The following ALAS1 variants were observed in gnomAD, a reference collection of about 807,000 sequenced individuals.
The protein encoded by ALAS1 is 5'-aminolevulinate synthase 1.
Under a neutral mutation model 59.6 loss-of-function variants are expected in ALAS1, and 29 were observed. That is an observed-to-expected ratio of 0.49 (90% CI 0.36 to 0.66). The LOEUF (loss-of-function observed/expected upper bound fraction) is 0.66. ALAS1 is among the 30% of genes least tolerant of loss of function. The pLI is 0.00. For synonymous variants in ALAS1, 299 were observed against 296.6 expected (o/e 1.01, Z -0.08); for missense variants, 690 against 807.5 (o/e 0.85, Z 1.76).
chr3:52,202,741 G>C lies in ALAS1; in HGVS notation c.427+7G>C. On this transcript the variant is annotated splice_region_variant and intron_variant, in intron 4 of 11. Transcript: ENST00000484952. ...ATGAATGCCGTGAGGAAAGGTAAGA[G>C]ATGAGTTGTGAACCATTAGTGGTAG... 1.9e-6 allele frequency: 3 copies of C among 1,612,954 alleles called. No individual in the cohort carries two copies. The highest frequency in any genetic ancestry group is 2.5e-6 in the Non-Finnish European group (3 of 1,179,322).
intron 3 of ALAS1, among the ~76,000 whole-genome samples, chr3:52,199,978 C>T (rs774353381): frequency 1.3e-5 from 2 of 152,148 alleles, no homozygotes; most frequent in Non-Finnish European, 2.9e-5. Flanking sequence ...TGCACCACCA[C>T]GCCCAGATAA....
chr3:52,199,261 G>A lies in ALAS1; in HGVS notation c.20G>A (p.Arg7His), dbSNP rs769075509. MESVVR[R>H]CPFLSRVPQA... is the part of the protein sequence containing the mutation. ...CTGAACATGGAGAGTGTTGTTCGCC[G>A]CTGCCCATTCTTATCCCGAGTCCCC... The change falls in exon 3 of 12, where the codon CGC (arginine) becomes CAC (histidine). Residue 7 changes from arginine to histidine, a missense_variant. Transcript: ENST00000484952. The A allele has an allele frequency of 1.1e-5, 18 of 1,614,026 alleles. No individual in the cohort carries two copies. The highest frequency in any genetic ancestry group is 2.2e-5 in the South Asian group (2 of 91,088).
chr3:52,208,225 G>A lies in ALAS1; in HGVS notation c.1308G>A (p.Met436Ile), dbSNP rs763546498. The change falls in exon 9 of 12, where the codon ATG becomes ATA. Residue 436 changes from methionine to isoleucine, a missense_variant. By Grantham distance (10) the Met-to-Ile change is conservative. Coordinates refer to ENST00000484952, the MANE Select transcript of ALAS1 (RefSeq NM_000688.6). ...ATCGGGATGGAGTCATGCCAAAAAT[G>A]GACATCATTTCTGGAACACTTGGTA... The part of the protein sequence containing the change: ...IGDRDGVMPK[M>I]DIISGTLGKA... 1 of 1,614,152 alleles carries A rather than the reference G, an allele frequency of 6.2e-7. No homozygotes were observed. Among genetic ancestry groups the A allele is most frequent in the East Asian group, 2.2e-5 (1 of 44,886 alleles).
intron 9 of ALAS1, 141 bp from the exon 10 acceptor site, chr3:52,211,142 C>T (rs1699396292): frequency 4.8e-6 from 4 of 836,886 alleles, no homozygotes; most frequent in Admixed American, 5.5e-5. Context: ...TAATGTGGTG[C>T]ATGACTACTC....
rs1180250285 is a variant in ALAS1, at chr3:52,203,958, C to T, written c.523C>T (p.Gln175Ter). 6.2e-7 allele frequency: 1 copy of T among 1,613,030 alleles called. No individual in the cohort carries two copies. Among genetic ancestry groups the T allele is most frequent in the African/African-American group, 1.3e-5 (1 of 75,002 alleles). The stretch of plus-strand genomic sequence containing the variant: ...GCTGAAGAACTTCCAGGACATCATG[C>T]AAAAGCAAAGACCAGAAAGAGTGTC... ...GLLKNFQDIM[Q>*]KQRPERVSHL... The change falls in exon 5 of 12, where the codon CAA becomes TAA. Residue 175 changes from glutamine (Q) to a stop codon, truncating the protein, a stop_gained. Transcript: ENST00000484952. LOFTEE classifies it high-confidence loss of function.
Position 52,203,864 on chromosome 3 carries a change from G to A in ALAS1, c.429G>A (p.Glu143=), listed in dbSNP as rs374184871. 26 of 1,577,510 alleles carry A rather than the reference G, an allele frequency of 1.6e-5. No individual in the cohort carries two copies. In the African/African-American group the frequency reaches 3.3e-4, roughly 20 times the overall value. ...TGTTTCTTGTTACTTTTGTTCCAGAGGTTGCTGAAACCTCAGCAGGCCCCA... is the reference window on the plus strand; with the variant it reads ...TGTTTCTTGTTACTTTTGTTCCAGAAGTTGCTGAAACCTCAGCAGGCCCCA... ...DVQEMNAVRK[E]VAETSAGPSV... Residue 143 remains glutamate (E), a splice_region_variant and synonymous_variant, in exon 5 of 12, where the codon GAG becomes GAA. Transcript: ENST00000484952.
chr3:52,208,636 G>A (rs750996215), intron 9 of ALAS1, among the ~76,000 whole-genome samples: 6 of 152,308 alleles, frequency 3.9e-5, no homozygotes, highest in East Asian at 1.9e-4. Flanking sequence ...GCTGAACTCC[G>A]TGCCTGCCAC....
Position 52,205,890 on chromosome 3 carries a change from T to A in ALAS1, c.852T>A (p.Ser284=), listed in dbSNP as rs111251324. The A allele has an allele frequency of 1.9e-6, 3 of 1,614,072 alleles. No homozygotes were observed. In the African/African-American group the frequency reaches 4.0e-5, roughly 22 times the overall value. Residue 284 remains serine (S), a synonymous_variant, in exon 7 of 12, where the codon TCT becomes TCA. Transcript: ENST00000484952. ...GAGAGGTRNI[S]GTSKFHVDLE... Reference sequence around the variant, plus strand: ...GGGCAGGTGGTACTAGAAATATTTCTGGAACTAGTAAATTCCATGTGGACT... The same window carrying A: ...GGGCAGGTGGTACTAGAAATATTTCAGGAACTAGTAAATTCCATGTGGACT...
chr3:52,204,340 G>A lies in ALAS1; in HGVS notation c.577+328G>A, dbSNP rs141245704. On this transcript the variant is annotated intron_variant, in intron 5 of 11. Transcript: ENST00000484952. ...TCAAGGTTCAGTGAGCTATGATCAC[G>A]CTATTGCACTCCAGCCTGAATGACA... Among the ~76,000 whole-genome samples, 576 of 152,316 alleles carry A rather than the reference G, an allele frequency of 3.8e-3. 4 individuals are homozygous for A. The highest frequency in any genetic ancestry group is 0.026 in the South Asian group (127 of 4,826).
intron 2 of ALAS1, 89 bp downstream of exon 2, chr3:52,198,937 C>T (rs1358306403): frequency 4.9e-6 from 7 of 1,417,976 alleles, no homozygotes; most frequent in East Asian, 5.0e-5. Flanking sequence ...CTCATCCTTC[C>T]GCCCCCTTGA....
chr3:52,203,816 C>T, intron 4 of ALAS1, 47 bp from the exon 5 acceptor site: 1 of 1,534,262 alleles, frequency 6.5e-7, no homozygotes, highest in Non-Finnish European at 8.8e-7. Context: ...ATTGTGAACT[C>T]AGAATAGAAA....
intron 3 of ALAS1, 98 bp downstream of exon 3, chr3:52,199,538 C>T: frequency 8.7e-7 from 1 of 1,153,198 alleles, no homozygotes; most frequent in Non-Finnish European, 1.2e-6. Context: ...CACACTCACT[C>T]ACAGAGGGCT....
At position 52,211,523 on chromosome 3, in the gene ALAS1, A is replaced by G. The variant is rs780513566; in HGVS notation, c.1571A>G (p.His524Arg). 6.8e-6 allele frequency: 11 copies of G among 1,614,044 alleles called. No homozygotes were observed. Among genetic ancestry groups the G allele is most frequent in the East Asian group, 2.2e-5 (1 of 44,896 alleles). Residue 524 changes from histidine to arginine, a missense_variant, in exon 10 of 12, where the codon CAC (histidine) becomes CGC (arginine). Coordinates refer to ENST00000484952, the MANE Select transcript of ALAS1 (RefSeq NM_000688.6). ...MLMDAGLPVVHCPSHIIPVRV... is the reference protein window; with the variant it reads ...MLMDAGLPVVRCPSHIIPVRV... Reference sequence around the variant, plus strand: ...ATGGATGCCGGCCTCCCTGTTGTCCACTGCCCCAGCCACATCATCCCTGTG... The same window carrying G: ...ATGGATGCCGGCCTCCCTGTTGTCCGCTGCCCCAGCCACATCATCCCTGTG...
chr3:52,204,042 G>A, intron 5 of ALAS1, 30 bp downstream of exon 5: 4 of 1,576,924 alleles, frequency 2.5e-6, no homozygotes, highest in Non-Finnish European at 3.5e-6. Context: ...GCCTGATGTA[G>A]AAAAGAATTT....
rs145651843 is a variant in ALAS1, at chr3:52,198,848, T to G, written c.-33T>G. 8 of 1,535,714 alleles carry G rather than the reference T, an allele frequency of 5.2e-6. No individual in the cohort carries two copies. The East Asian group carries it at 1.2e-4, about 23-fold the overall frequency. ...ATGAGTGGCTTCTTCTCCACCTAGA[T>G]GTAAGCCAAGATGTCTTATCTGCAC... On this transcript the variant is annotated splice_region_variant and 5_prime_UTR_variant, in exon 2 of 12. Transcript: ENST00000484952.
At chr3:52,212,983 T>G (rs546644306) in intron 11 of ALAS1, among the ~76,000 whole-genome samples, 1 of 152,250 alleles carries the variant, frequency 6.6e-6, no homozygotes, top group South Asian at 2.1e-4. Context: ...AGTGCCCCCT[T>G]GTCTACGTGG....
intron 9 of ALAS1, among the ~76,000 whole-genome samples, chr3:52,208,643 C>T (rs895164875): frequency 1.3e-5 from 2 of 152,206 alleles, no homozygotes; most frequent in African/African-American, 4.8e-5. Flanking sequence ...TCCGTGCCTG[C>T]CACGTGGGAA....
Position 52,211,200 on chromosome 3 carries a change from T to C in ALAS1, c.1331-83T>C. The C allele has an allele frequency of 2.7e-6, 4 of 1,507,376 alleles. No individual in the cohort carries two copies. In the South Asian group the frequency reaches 4.9e-5, roughly 18 times the overall value. 93.4% of individuals were successfully genotyped at this position (1,507,376 alleles called of 1,614,324 possible). On this transcript the variant is annotated intron_variant, in intron 9 of 11. Coordinates refer to ENST00000484952, the MANE Select transcript of ALAS1 (RefSeq NM_000688.6). Reference sequence around the variant, plus strand: ...AAAAGATAAGGAGAAAAGTCAGTGCTTTGAGGCTCCACAACACCTTGCTGT... The same window carrying C: ...AAAAGATAAGGAGAAAAGTCAGTGCCTTGAGGCTCCACAACACCTTGCTGT...
intron 8 of ALAS1, among the ~76,000 whole-genome samples, chr3:52,207,829 G>A (rs959835272): frequency 4.6e-5 from 7 of 152,124 alleles, no homozygotes; most frequent in Non-Finnish European, 1.5e-5. Context: ...TTATTGCTGT[G>A]TAGTATTGCA....
Sources: allele counts gnomAD v4.1 joint callset (sites outside exome capture counted in the v4.1 genomes callset), GRCh38; gene constraint gnomAD v4.1.1; transcripts MANE v1.5; gene names NCBI Gene and HGNC (gene_info 2026-07-23, HGNC 2026-07-21).